The following URB1 variants were observed in gnomAD, a reference collection of about 807,000 sequenced individuals.
URB1 encodes URB1 ribosome biogenesis factor, also known as nucleolar pre-ribosomal-associated protein 1.
Under a neutral mutation model 242.3 loss-of-function variants are expected in URB1, and 197 were observed. That is an observed-to-expected ratio of 0.81 (90% CI 0.72 to 0.91). The LOEUF (loss-of-function observed/expected upper bound fraction) is 0.91. URB1 is among the 40% of genes least tolerant of loss of function. The probability of loss-of-function intolerance (pLI) is 0.00; values close to 1 mark genes in which losing one functional copy is unlikely to be tolerated. For missense variants in URB1, 2,721 were observed against 2,860.5 expected (o/e 0.95, Z 1.11); for synonymous variants, 1,153 against 1,201.8 (o/e 0.96, Z 0.84).
chr21:32,333,164 G>A, intron 30 of URB1, 153 bp downstream of exon 30: 1 of 697,140 alleles, frequency 1.4e-6, no homozygotes. Flanking sequence ...AAAATCACTG[G>A]AATGAACAGA....
Position 32,392,891 on chromosome 21 carries a change from T to C in URB1, c.20A>G (p.Lys7Arg), listed in dbSNP as rs1300061249. The change falls in exon 1 of 39, where the codon AAG (lysine) becomes AGG (arginine). Residue 7 changes from lysine (K) to arginine (R), a missense_variant. Lys to Arg is a conservative substitution (Grantham distance 26). Transcript: ENST00000382751. The stretch of plus-strand genomic sequence containing the variant: ...CGCGCCGTCCTGGCCGCCCGAGGCC[T>C]TCCTCTTGGGGACCCCCATGGCCGA... The part of the protein sequence containing the change: MGVPKR[K>R]ASGGQDGAAS... The C allele has an allele frequency of 1.3e-6, 2 of 1,527,632 alleles. No homozygotes were observed. Among genetic ancestry groups the C allele is most frequent in the Non-Finnish European group, 1.8e-6 (2 of 1,142,824 alleles). 94.6% of individuals were successfully genotyped at this position (1,527,632 alleles called of 1,614,324 possible).
intron 1 of URB1, among the ~76,000 whole-genome samples, chr21:32,389,831 A>ATCT (rs2033620028): frequency 6.6e-6 from 1 of 152,122 alleles, no homozygotes; most frequent in Admixed American, 6.5e-5. Context: ...TTGATGGGGG[A>ATCT]TCTTCCCACA....
Position 32,382,325 on chromosome 21 carries a change from A to G in URB1, c.567+1097T>C, listed in dbSNP as rs781131013. ...GAAACGTATTTAAATGTCAGGAGCC[A>G]TTACTCATTGAATGGAATTTGTTGA... On this transcript the variant is annotated intron_variant, in intron 4 of 38. Transcript: ENST00000382751. 4.6e-5 allele frequency among the ~76,000 whole-genome samples: 7 copies of G among 152,354 alleles called. No individual in the cohort carries two copies. In the Middle Eastern group the frequency reaches 0.01, roughly 222 times the overall value.
intron 30 of URB1, among the ~76,000 whole-genome samples, chr21:32,329,376 CCCCAA>C (rs2032868006): frequency 6.6e-6 from 1 of 152,172 alleles, no homozygotes; most frequent in African/African-American, 2.4e-5. Context: ...CCCAGAGGCA[CCCCAA>C]TAGGCTAGAC....
chr21:32,387,557 T>C, intron 1 of URB1, among the ~76,000 whole-genome samples: 1 of 145,660 alleles, frequency 6.9e-6, no homozygotes, highest in East Asian at 2.0e-4. Context: ...CACATCTTAC[T>C]GAGGCCTTCA....
chr21:32,366,793 A>T, intron 9 of URB1, 38 bp from the exon 10 acceptor site: 1 of 1,546,566 alleles, frequency 6.5e-7, no homozygotes, highest in South Asian at 1.2e-5. Flanking sequence ...TGGTGCTAGA[A>T]GTAAGTTTCA....
chr21:32,347,111 A>G lies in URB1; in HGVS notation c.3713T>C (p.Leu1238Pro). Residue 1238 changes from leucine to proline, a missense_variant, in exon 22 of 39, where the codon CTC becomes CCC. By Grantham distance (98) the Leu-to-Pro change is moderately conservative. Coordinates refer to ENST00000382751, the MANE Select transcript of URB1 (RefSeq NM_014825.3). ...CAGCAAGTGGGTGCAGCTCTCCTGG[A>G]GGAGCAGGGCAGCGATGCTGAGGGC... ...QAALSIAALL[L>P]QESCTHLLWF... 1 of 1,549,926 alleles carries G rather than the reference A, an allele frequency of 6.5e-7. No individual in the cohort carries two copies. The highest frequency in any genetic ancestry group is 1.2e-5 in the South Asian group (1 of 84,014).
intron 7 of URB1, among the ~76,000 whole-genome samples, chr21:32,372,962 G>A (rs1427917584): frequency 1.3e-5 from 2 of 152,158 alleles, no homozygotes; most frequent in Non-Finnish European, 2.9e-5. Flanking sequence ...ACAAAAACAT[G>A]TTCAAAACAA....
intron 1 of URB1, among the ~76,000 whole-genome samples, 171 bp from the exon 2 acceptor site, chr21:32,385,855 T>G (rs1192275791): frequency 1.3e-5 from 2 of 152,124 alleles, no homozygotes; most frequent in African/African-American, 4.8e-5. Flanking sequence ...AAATTCATGT[T>G]GAAACCCTAA....
rs896208296 is a variant in URB1 at position 32,327,626 on chromosome 21, C to T, written c.4961-2237G>A. Reference sequence around the variant, plus strand: ...CAATATGGCAAATATCAAATATTTACACTTCTTTTAGAAATAATGACAATT... The same window carrying T: ...CAATATGGCAAATATCAAATATTTATACTTCTTTTAGAAATAATGACAATT... On this transcript the variant is annotated intron_variant, in intron 30 of 38. Transcript: ENST00000382751. Among the ~76,000 whole-genome samples, 14 of 152,210 alleles carry T rather than the reference C, an allele frequency of 9.2e-5. 1 individual carries two copies. Among genetic ancestry groups the T allele is most frequent in the African/African-American group, 2.6e-4 (11 of 41,548 alleles).
At position 32,337,506 on chromosome 21, in the gene URB1, C is replaced by T; in HGVS notation, c.4519G>A (p.Val1507Met). 1 of 1,551,582 alleles carries T rather than the reference C, an allele frequency of 6.4e-7. No individual in the cohort carries two copies. Among genetic ancestry groups the T allele is most frequent in the Non-Finnish European group, 8.7e-7 (1 of 1,146,954 alleles). Residue 1507 changes from valine to methionine, a missense_variant, in exon 27 of 39, where the codon GTG becomes ATG. Coordinates refer to ENST00000382751, the MANE Select transcript of URB1 (RefSeq NM_014825.3). ...SPDSQVKEAL[V>M]DLMLTVVEMC... ...TCCACCACCGTCAGCATCAGGTCCACCAGCGCTTCTGCAAGAAAACAACCC... is the reference window on the plus strand; with the variant it reads ...TCCACCACCGTCAGCATCAGGTCCATCAGCGCTTCTGCAAGAAAACAACCC...
At chr21:32,383,624 G>T in intron 3 of URB1, 70 bp from the exon 4 acceptor site, 1 of 1,431,134 alleles carries the variant, frequency 7.0e-7, no homozygotes, top group Non-Finnish European at 9.2e-7. Flanking sequence ...TCACCACAAA[G>T]CCAGCTGCAA....
chr21:32,337,311 C>A, intron 27 of URB1, 93 bp downstream of exon 27: 1 of 1,364,788 alleles, frequency 7.3e-7, no homozygotes, highest in Non-Finnish European at 1.0e-6. Context: ...TCCTCCTGCT[C>A]ACATCCCTCC....
At chr21:32,327,168 A>G (rs930338668) in intron 30 of URB1, among the ~76,000 whole-genome samples, 2 of 152,196 alleles carry the variant, frequency 1.3e-5, no homozygotes, top group African/African-American at 4.8e-5. Context: ...TTTATATATA[A>G]AAGAAAATCA....
chr21:32,315,313 TTA>T (rs1491172525), intron 38 of URB1, among the ~76,000 whole-genome samples: 12 of 97,108 alleles, frequency 1.2e-4, no homozygotes, highest in Non-Finnish European at 1.4e-4. Context: ...TTTCTTTTCT[TTA>T]AAAAAAAAAA....
chr21:32,313,095 G>A lies in URB1; in HGVS notation c.*1823C>T, dbSNP rs2032618687. ...CCTCACTTGACTGAGCTGGAACTCG[G>A]CTTTGGAGCATTTGTCGCCACCTGA... On this transcript the variant is annotated 3_prime_UTR_variant, in exon 39 of 39. Coordinates refer to ENST00000382751, the MANE Select transcript of URB1 (RefSeq NM_014825.3). 1 of 152,234 alleles carries A rather than the reference G, an allele frequency of 6.6e-6. No homozygotes were observed. Among genetic ancestry groups the A allele is most frequent in the African/African-American group, 2.4e-5 (1 of 41,446 alleles). The allele number at this position is 152,234 out of a possible 1,614,324, so 9.4% of individuals were successfully genotyped here. A position where few individuals can be genotyped will look rare whatever the true frequency, so the allele number is the denominator to read the frequency against.
chr21:32,332,272 T>C (rs13052659), intron 30 of URB1, among the ~76,000 whole-genome samples: 2 of 151,980 alleles, frequency 1.3e-5, no homozygotes, highest in South Asian at 2.1e-4. Context: ...AGTTCTTAGA[T>C]GCCAAGAGCA....
chr21:32,385,491 A>C (rs2033573754), intron 2 of URB1, 54 bp downstream of exon 2: 1 of 1,524,468 alleles, frequency 6.6e-7, no homozygotes, highest in African/African-American at 1.4e-5. Flanking sequence ...CATCAAACTT[A>C]ACAGCAGCAT....
Position 32,366,680 on chromosome 21 carries a change from T to A in URB1, c.1273A>T (p.Met425Leu). ...AGGGGCACGGTGGTCACCATCACCA[T>A]TGCCAGGAGCCGAGGCAAGGGTATA... is the stretch of plus-strand genomic sequence containing the variant. ...EFIPLPRLLA[M>L]VMVTTVPLVC... Residue 425 changes from methionine to leucine, a missense_variant, in exon 10 of 39, where the codon ATG (methionine) becomes TTG (leucine). Physicochemically the swap from Met to Leu is conservative, Grantham distance 15. Transcript: ENST00000382751. The A allele has an allele frequency of 1.2e-5, 18 of 1,551,452 alleles. No homozygotes were observed. Among genetic ancestry groups the A allele is most frequent in the Non-Finnish European group, 1.6e-5 (18 of 1,146,822 alleles).
Sources: gnomAD v4.1 joint callset for allele counts (sites outside exome capture counted in the v4.1 genomes callset) on GRCh38, gnomAD v4.1.1 for gene constraint, MANE v1.5 for transcripts, NCBI Gene and HGNC (gene_info 2026-07-23, HGNC 2026-07-21) for gene names.